Variants in GALNT1 observed in about 807,000 individuals in gnomAD.
The protein encoded by GALNT1 is GalNAc transferase 1.
A neutral mutation model predicts 65.7 loss-of-function variants in GALNT1; 17 were observed. The observed-to-expected ratio is 0.26, with a 90% CI of 0.18 to 0.39. GALNT1 has a LOEUF of 0.39. Among genes scored for constraint, GALNT1 ranks in the 10% least tolerant of loss-of-function variants. The pLI, the probability that GALNT1 is intolerant of heterozygous loss-of-function variation, is 1.00. For synonymous variants in GALNT1, 210 were observed against 219.7 expected (o/e 0.96, Z 0.39); for missense variants, 460 against 672.8 (o/e 0.68, Z 3.50).
intron 1 of GALNT1, among the ~76,000 whole-genome samples, chr18:35,593,601 A>G (rs2046470774): frequency 6.6e-6 from 1 of 151,870 alleles, no homozygotes; most frequent in African/African-American, 2.4e-5. Flanking sequence ...GATGGCAAGC[A>G]CCCCATTGCA....
At chr18:35,703,697 T>A in intron 11 of GALNT1, 54 bp downstream of exon 11, 1 of 1,524,580 alleles carries the variant, frequency 6.6e-7, no homozygotes, top group Non-Finnish European at 9.0e-7. Context: ...CTGGGTATAT[T>A]TATATACTTT....
chr18:35,705,467 A>T (rs1166889533), intron 11 of GALNT1, among the ~76,000 whole-genome samples: 1 of 152,224 alleles, frequency 6.6e-6, no homozygotes, highest in African/African-American at 2.4e-5. Flanking sequence ...TATAGAAAAA[A>T]TGATATTACC....
At chr18:35,656,444 T>G (rs2047387026) in intron 2 of GALNT1, among the ~76,000 whole-genome samples, 1 of 151,822 alleles carries the variant, frequency 6.6e-6, no homozygotes, top group Non-Finnish European at 1.5e-5. Flanking sequence ...TGCACAAGAG[T>G]AGAAAGGAAG....
rs896309054 is a variant in GALNT1, at chr18:35,710,721, T to C, written c.*951T>C. 6.6e-6 allele frequency: 1 copy of C among 152,462 alleles called. No individual in the cohort carries two copies. Among genetic ancestry groups the C allele is most frequent in the African/African-American group, 2.4e-5 (1 of 41,472 alleles). The allele number at this position is 152,462 out of a possible 1,614,324, so 9.4% of individuals were successfully genotyped here. ...CTTCTTCACTTGACCTAACTGATTA[T>C]GCGAAATACCCAAGATTCATGCTAC... On this transcript the variant is annotated 3_prime_UTR_variant, in exon 12 of 12. Transcript: ENST00000269195.
At chr18:35,656,506 A>C in intron 2 of GALNT1, among the ~76,000 whole-genome samples, 1 of 152,246 alleles carries the variant, frequency 6.6e-6, no homozygotes, top group East Asian at 1.9e-4. Context: ...GTTCCAGCTT[A>C]GTATCAGCTT....
intron 1 of GALNT1, among the ~76,000 whole-genome samples, chr18:35,628,253 A>T (rs547907829): frequency 4.6e-5 from 7 of 152,304 alleles, no homozygotes; most frequent in Admixed American, 1.3e-4. Flanking sequence ...AGATCTGAGA[A>T]TGGACAGACT....
At chr18:35,634,730 C>T (rs1211513622) in intron 1 of GALNT1, among the ~76,000 whole-genome samples, 1 of 152,164 alleles carries the variant, frequency 6.6e-6, no homozygotes, top group Non-Finnish European at 1.5e-5. Flanking sequence ...GATGTTTATA[C>T]AAACAATACA....
chr18:35,601,477 A>G (rs1018387969), intron 1 of GALNT1, among the ~76,000 whole-genome samples: 5 of 151,392 alleles, frequency 3.3e-5, no homozygotes, highest in African/African-American at 4.9e-5. Flanking sequence ...CCTTCTATTA[A>G]TTTGGAATTT....
chr18:35,606,277 A>G (rs773035539), intron 1 of GALNT1, among the ~76,000 whole-genome samples: 35 of 152,304 alleles, frequency 2.3e-4, no homozygotes, highest in African/African-American at 4.8e-4. Flanking sequence ...TGACTAACCT[A>G]TATTTCTAGG....
upstream of GALNT1, chr18:35,581,044 G>T (rs993088704): frequency 1.3e-5 from 2 of 152,064 alleles, no homozygotes; most frequent in Non-Finnish European, 2.9e-5. Flanking sequence ...CCTGCATCGC[G>T]GTCGCCAGGC....
At chr18:35,686,588 A>G (rs2047871126) in intron 5 of GALNT1, among the ~76,000 whole-genome samples, 1 of 152,234 alleles carries the variant, frequency 6.6e-6, no homozygotes, top group Non-Finnish European at 1.5e-5. Context: ...GCAGTCACTC[A>G]TAGTTACAGC....
At chr18:35,694,500 A>G (rs1342497056) in intron 9 of GALNT1, among the ~76,000 whole-genome samples, 1 of 152,228 alleles carries the variant, frequency 6.6e-6, no homozygotes, top group Non-Finnish European at 1.5e-5. Context: ...TACAACTGCT[A>G]TTTAAAAATA....
chr18:35,633,583 C>G (rs942717463), intron 1 of GALNT1, among the ~76,000 whole-genome samples: 3 of 152,000 alleles, frequency 2.0e-5, no homozygotes, highest in East Asian at 1.9e-4. Flanking sequence ...TTAGGAGATA[C>G]ACCTAATATA....
At chr18:35,639,398 A>G (rs1471893950) in intron 1 of GALNT1, among the ~76,000 whole-genome samples, 3 of 152,216 alleles carry the variant, frequency 2.0e-5, no homozygotes, top group Admixed American at 1.3e-4. Flanking sequence ...TAAGGTATAT[A>G]CATTACTTTT....
At chr18:35,607,143 C>G (rs534034487) in intron 1 of GALNT1, among the ~76,000 whole-genome samples, 1 of 152,144 alleles carries the variant, frequency 6.6e-6, no homozygotes, top group African/African-American at 2.4e-5. Flanking sequence ...ACTTCCCAGT[C>G]TAAGACAGAG....
intron 1 of GALNT1, among the ~76,000 whole-genome samples, chr18:35,602,382 C>G (rs1190531775): frequency 6.6e-6 from 1 of 151,994 alleles, no homozygotes; most frequent in Non-Finnish European, 1.5e-5. Context: ...TCTGACCTTC[C>G]TGTATCTGTG....
chr18:35,636,057 C>T (rs539658742), intron 1 of GALNT1, among the ~76,000 whole-genome samples: 1 of 152,040 alleles, frequency 6.6e-6, no homozygotes, highest in South Asian at 2.1e-4. Flanking sequence ...CAATCTTTGC[C>T]GCTTTATTTA....
At chr18:35,587,947 A>C (rs182970170) in intron 1 of GALNT1, among the ~76,000 whole-genome samples, 2 of 152,260 alleles carry the variant, frequency 1.3e-5, no homozygotes, top group East Asian at 3.9e-4. Context: ...AAGTATTAGG[A>C]AATTTTCCTT....
At chr18:35,603,471 TA>T (rs1361383751) in intron 1 of GALNT1, among the ~76,000 whole-genome samples, 2 of 152,122 alleles carry the variant, frequency 1.3e-5, no homozygotes, top group East Asian at 3.9e-4. Context: ...CAGAGGAGGG[TA>T]AAGCCAGATT....
Sources: gnomAD v4.1 joint callset for allele counts (sites outside exome capture counted in the v4.1 genomes callset) on GRCh38, gnomAD v4.1.1 for gene constraint, MANE v1.5 for transcripts, NCBI Gene and HGNC (gene_info 2026-07-23, HGNC 2026-07-21) for gene names.